Variants in PSMA1 observed in about 807,000 individuals in gnomAD.
The protein encoded by PSMA1 is proteasome 20S subunit alpha 1, also known as proteasome subunit alpha type-1.
A neutral mutation model predicts 38.4 loss-of-function variants in PSMA1; 3 were observed. The ratio of observed to expected loss-of-function variants is 0.08; its 90% CI spans 0.04 to 0.20. The LOEUF is 0.20. Among genes scored for constraint, PSMA1 ranks in the 10% least tolerant of loss-of-function variants. PSMA1 has a pLI of 1.00. For missense variants in PSMA1, 227 were observed against 325.3 expected (o/e 0.70, Z 2.32); for synonymous variants, 101 against 107.1 (o/e 0.94, Z 0.35).
intron 1 of PSMA1, among the ~76,000 whole-genome samples, chr11:14,641,144 T>C (rs1853195107): frequency 6.6e-6 from 1 of 151,642 alleles, no homozygotes; most frequent in African/African-American, 2.4e-5. Flanking sequence ...AACCTGTACG[T>C]TCTGCACATG....
intron 2 of PSMA1, among the ~76,000 whole-genome samples, chr11:14,571,067 T>C (rs71482953): frequency 6.6e-6 from 1 of 151,970 alleles, no homozygotes; most frequent in African/African-American, 2.4e-5. Context: ...TTCTTTTTTG[T>C]TTTGTTTTGT....
chr11:14,618,663 A>G (rs1275366001), intron 1 of PSMA1, among the ~76,000 whole-genome samples: 1 of 152,228 alleles, frequency 6.6e-6, no homozygotes, highest in South Asian at 2.1e-4. Context: ...ATTACATTAT[A>G]GACAAATGAC....
intron 2 of PSMA1, among the ~76,000 whole-genome samples, chr11:14,592,779 G>A (rs1852439420): frequency 6.6e-6 from 1 of 152,068 alleles, no homozygotes; most frequent in South Asian, 2.1e-4. Context: ...AACATTTTTT[G>A]AATGAATGAC....
chr11:14,511,806 C>T (rs992494001), intron 7 of PSMA1, among the ~76,000 whole-genome samples: 4 of 152,058 alleles, frequency 2.6e-5, no homozygotes, highest in African/African-American at 7.2e-5. Flanking sequence ...GTTCCAGCCA[C>T]GGCAGTTAGA....
intron 2 of PSMA1, among the ~76,000 whole-genome samples, chr11:14,597,004 A>G (rs1440485574): frequency 6.6e-6 from 1 of 152,176 alleles, no homozygotes; most frequent in Admixed American, 6.5e-5. Flanking sequence ...TGAGATAATC[A>G]CGTGGTTTTT....
chr11:14,622,944 G>T (rs1056797332), intron 1 of PSMA1, among the ~76,000 whole-genome samples: 1 of 152,182 alleles, frequency 6.6e-6, no homozygotes, highest in African/African-American at 2.4e-5. Flanking sequence ...TGTCTTTTGA[G>T]AAAAAGCTCT....
At chr11:14,509,292 C>A (rs1030173708) in intron 8 of PSMA1, among the ~76,000 whole-genome samples, 1 of 152,156 alleles carries the variant, frequency 6.6e-6, no homozygotes, top group African/African-American at 2.4e-5. Flanking sequence ...ACCTTGGAGA[C>A]ATTCCCCCCT....
intron 2 of PSMA1, among the ~76,000 whole-genome samples, chr11:14,538,078 G>A (rs879395419): frequency 1.3e-5 from 2 of 151,978 alleles, no homozygotes; most frequent in Non-Finnish European, 2.9e-5. Context: ...AACTGAGGGG[G>A]TATAATATAA....
chr11:14,535,655 G>A (rs1851698873), intron 2 of PSMA1, among the ~76,000 whole-genome samples: 1 of 151,698 alleles, frequency 6.6e-6, no homozygotes, highest in African/African-American at 2.4e-5. Flanking sequence ...ATTTTGGTCA[G>A]GCTGGTCTCG....
chr11:14,573,672 G>T (rs1218723612), intron 2 of PSMA1, among the ~76,000 whole-genome samples: 2 of 152,130 alleles, frequency 1.3e-5, no homozygotes, highest in African/African-American at 4.8e-5. Flanking sequence ...GGGCAATCAG[G>T]CAGGAGAAAG....
In PSMA1 at chr11:14,535,175, G is replaced by A. The variant is rs565949383; in HGVS notation, c.22-16134C>T. ...GAAGCTAAGGTTTTTTTTTTTTCTG[G>A]CAACAGCTAACACTTGGAATAGAGC... is the stretch of plus-strand genomic sequence containing the variant. On this transcript the variant is annotated intron_variant, in intron 2 of 10. Transcript: ENST00000418988. Among the ~76,000 whole-genome samples, 9 of 147,876 alleles carry A rather than the reference G, an allele frequency of 6.1e-5. No individual in the cohort carries two copies. In the South Asian group the frequency reaches 1.9e-3, roughly 31 times the overall value.
At chr11:14,592,526 C>T (rs1434449408) in intron 2 of PSMA1, among the ~76,000 whole-genome samples, 1 of 152,074 alleles carries the variant, frequency 6.6e-6, no homozygotes, top group Non-Finnish European at 1.5e-5. Flanking sequence ...GCTGGGACTA[C>T]AGGCGCCCGC....
intron 1 of PSMA1, among the ~76,000 whole-genome samples, chr11:14,629,708 G>C (rs1312605967): frequency 1.3e-5 from 2 of 152,114 alleles, no homozygotes; most frequent in African/African-American, 4.8e-5. Context: ...TGGGAAGAAA[G>C]TCATTGGTAG....
chr11:14,608,168 T>C (rs1852665512), intron 2 of PSMA1, among the ~76,000 whole-genome samples: 1 of 152,060 alleles, frequency 6.6e-6, no homozygotes, highest in Non-Finnish European at 1.5e-5. Context: ...TTGGGCAACA[T>C]GGTGAGACTT....
chr11:14,608,659 C>A (rs1165096753), intron 2 of PSMA1, among the ~76,000 whole-genome samples: 1 of 145,912 alleles, frequency 6.9e-6, no homozygotes, highest in South Asian at 2.2e-4. Context: ...AAAGCAAGAT[C>A]CTGTCTGTAT....
In PSMA1 at chr11:14,585,901, C is replaced by T. The variant is rs1852340289; in HGVS notation, c.21+25065G>A. Among the ~76,000 whole-genome samples, 2 of 152,110 alleles carry T rather than the reference C, an allele frequency of 1.3e-5. 1 individual carries two copies. Among genetic ancestry groups the T allele is most frequent in the South Asian group, 4.1e-4 (2 of 4,836 alleles). On this transcript the variant is annotated intron_variant, in intron 2 of 10. Transcript: ENST00000418988. ...AAAAAAAAAATCTGGTGTCCAGACCCAAATACAACCAATTAAATTAGAATC... is the reference window on the plus strand; with the variant it reads ...AAAAAAAAAATCTGGTGTCCAGACCTAAATACAACCAATTAAATTAGAATC...
chr11:14,609,158 C>T (rs755235364), intron 2 of PSMA1, among the ~76,000 whole-genome samples: 1 of 152,158 alleles, frequency 6.6e-6, no homozygotes, highest in African/African-American at 2.4e-5. Flanking sequence ...AGTCACTATG[C>T]AATTTGGAAA....
chr11:14,618,401 T>C (rs1259664783), intron 1 of PSMA1, among the ~76,000 whole-genome samples: 1 of 152,248 alleles, frequency 6.6e-6, no homozygotes, highest in African/African-American at 2.4e-5. Context: ...TGAAGTTTAC[T>C]ATCAATGGTC....
Position 14,552,122 on chromosome 11 carries a change from G to A in PSMA1, c.22-33081C>T, listed in dbSNP as rs145833493. Among the ~76,000 whole-genome samples, 231 of 152,282 alleles carry A rather than the reference G, an allele frequency of 1.5e-3. 1 individual carries two copies. Among genetic ancestry groups the A allele is most frequent in the East Asian group, 8.5e-3 (44 of 5,180 alleles). ...CTTAGAGAGGAAAGAGGCTTCTCTA[G>A]GAGTTTCCCTGAGGCTGGAGAGGGT... On this transcript the variant is annotated intron_variant, in intron 2 of 10. Transcript: ENST00000418988.
Sources: gnomAD v4.1 joint callset for allele counts (sites outside exome capture counted in the v4.1 genomes callset) on GRCh38, gnomAD v4.1.1 for gene constraint, MANE v1.5 for transcripts, NCBI Gene and HGNC (gene_info 2026-07-23, HGNC 2026-07-21) for gene names.